Variants in CNTNAP2 observed in about 807,000 individuals in gnomAD.
CNTNAP2 encodes contactin associated protein 2, also known as contactin-associated protein-like 2.
In CNTNAP2, 98 loss-of-function variants were observed where a neutral mutation model predicts 155.2. That is an observed-to-expected ratio of 0.63 (90% CI 0.54 to 0.75). CNTNAP2 has a LOEUF of 0.75. Ranked by LOEUF, CNTNAP2 falls within the 30% of genes least tolerant of loss-of-function variation. The pLI is 0.00. For missense variants in CNTNAP2, 1,727 were observed against 1,688.1 expected (o/e 1.02, Z -0.40); for synonymous variants, 651 against 631.2 (o/e 1.03, Z -0.47).
chr7:148,045,723 C>A (rs1438283461), intron 15 of CNTNAP2, among the ~76,000 whole-genome samples: 1 of 152,190 alleles, frequency 6.6e-6, no homozygotes, highest in African/African-American at 2.4e-5. Flanking sequence ...ATAATAGACA[C>A]TACAGGGACT....
At position 147,736,599 on chromosome 7, in the gene CNTNAP2, T is replaced by C. The variant is rs1023039006; in HGVS notation, c.2098+97293T>C. ...GCTAGATTGGGGAAGTTCTCCTGAA[T>C]AATATTCTGCAGAGTGTTTTCCAAC... On this transcript the variant is annotated intron_variant, in intron 13 of 23. Transcript: ENST00000361727. Among the ~76,000 whole-genome samples, 6 of 152,226 alleles carry C rather than the reference T, an allele frequency of 3.9e-5. No homozygotes were observed. The East Asian group carries it at 7.7e-4, about 20-fold the overall frequency.
chr7:146,434,870 T>C (rs75234117), intron 1 of CNTNAP2, among the ~76,000 whole-genome samples: 3,415 of 152,242 alleles, frequency 0.022, 76 homozygotes, highest in African/African-American at 0.058. Context: ...CAATAGGATT[T>C]ATTGAATCCC....
chr7:146,598,071 C>A (rs576147497), intron 1 of CNTNAP2, among the ~76,000 whole-genome samples: 38 of 152,206 alleles, frequency 2.5e-4, no homozygotes, highest in Middle Eastern at 3.4e-3. Flanking sequence ...CCAGTCCCTG[C>A]CTACTCTGTT....
chr7:148,148,706 G>A (rs916847334), intron 17 of CNTNAP2, among the ~76,000 whole-genome samples: 1 of 152,216 alleles, frequency 6.6e-6, no homozygotes, highest in African/African-American at 2.4e-5. Context: ...GTTGTGTTGG[G>A]AAGCTTGAAG....
chr7:146,300,244 A>G (rs1800583382), intron 1 of CNTNAP2, among the ~76,000 whole-genome samples: 1 of 152,222 alleles, frequency 6.6e-6, no homozygotes, highest in African/African-American at 2.4e-5. Flanking sequence ...AACAATAGTG[A>G]AAAAGAAGCA....
rs542866477 is a variant in CNTNAP2, at chr7:148,229,964, T to C, written c.3381+185T>C. ...TAATTCTGACAAGGAAAGACAATGA[T>C]GAAGTTGAAGACATCTTTTAGGGGG... On this transcript the variant is annotated intron_variant, in intron 20 of 23. Transcript: ENST00000361727. 3.3e-5 allele frequency among the ~76,000 whole-genome samples: 5 copies of C among 152,350 alleles called. No individual in the cohort carries two copies. In the South Asian group the frequency reaches 1.0e-3, roughly 32 times the overall value.
At chr7:146,162,434 A>T (rs986763373) in intron 1 of CNTNAP2, among the ~76,000 whole-genome samples, 1 of 152,220 alleles carries the variant, frequency 6.6e-6, no homozygotes, top group African/African-American at 2.4e-5. Context: ...CATGAGAGAA[A>T]TGCAAATCAA....
intron 9 of CNTNAP2, among the ~76,000 whole-genome samples, chr7:147,352,913 C>G (rs145916304): frequency 3.9e-4 from 59 of 151,770 alleles, no homozygotes; most frequent in African/African-American, 1.4e-3. Flanking sequence ...GAATCTGATA[C>G]TTAAACTTTA....
chr7:147,065,846 A>G (rs1194892861), intron 4 of CNTNAP2, among the ~76,000 whole-genome samples: 1 of 152,130 alleles, frequency 6.6e-6, no homozygotes, highest in Non-Finnish European at 1.5e-5. Context: ...TTAGAAATAT[A>G]TTTCTGATTT....
chr7:146,389,703 C>CTTTTTTTTTTTTTTT (rs750823074), intron 1 of CNTNAP2, among the ~76,000 whole-genome samples: 1 of 129,016 alleles, frequency 7.8e-6, no homozygotes. Flanking sequence ...TTTCTTTTTT[C>CTTTTTTTTTTTTTTT]TTTTTTTTTT....
At chr7:146,893,660 A>G (rs535192345) in intron 3 of CNTNAP2, among the ~76,000 whole-genome samples, 10 of 152,232 alleles carry the variant, frequency 6.6e-5, no homozygotes, top group African/African-American at 2.2e-4. Flanking sequence ...TGATAGCTGA[A>G]TATTTGAAGA....
At chr7:147,019,999 TG>T (rs1798791429) in intron 3 of CNTNAP2, among the ~76,000 whole-genome samples, 2 of 60,428 alleles carry the variant, frequency 3.3e-5, no homozygotes, top group Non-Finnish European at 7.5e-5. Flanking sequence ...AGATATAGTA[TG>T]GTATGGTATG....
chr7:146,605,083 A>C (rs13239717), intron 1 of CNTNAP2, among the ~76,000 whole-genome samples: 2 of 129,370 alleles, frequency 1.5e-5, no homozygotes, highest in African/African-American at 3.3e-5. Flanking sequence ...ATAAAAAAAA[A>C]CAACAAAAAA....
At chr7:146,378,719 G>T (rs1350731609) in intron 1 of CNTNAP2, among the ~76,000 whole-genome samples, 1 of 152,114 alleles carries the variant, frequency 6.6e-6, no homozygotes, top group Non-Finnish European at 1.5e-5. Flanking sequence ...AAACAAAATT[G>T]TGTGTATTTT....
At chr7:147,018,493 G>A (rs1253459694) in intron 3 of CNTNAP2, among the ~76,000 whole-genome samples, 1 of 152,026 alleles carries the variant, frequency 6.6e-6, no homozygotes, top group East Asian at 1.9e-4. Context: ...TTTGGATGGG[G>A]AAAGGGATAA....
At chr7:147,756,084 C>T (rs891161616) in intron 13 of CNTNAP2, among the ~76,000 whole-genome samples, 2 of 152,180 alleles carry the variant, frequency 1.3e-5, no homozygotes, top group Non-Finnish European at 2.9e-5. Flanking sequence ...ACAATATTAG[C>T]TTCATAACAA....
chr7:147,044,319 AG>A (rs1441028668), intron 4 of CNTNAP2, among the ~76,000 whole-genome samples: 2 of 152,076 alleles, frequency 1.3e-5, no homozygotes, highest in African/African-American at 4.8e-5. Context: ...AGATTTGGAA[AG>A]GTTTTTTTTG....
intron 1 of CNTNAP2, among the ~76,000 whole-genome samples, chr7:146,235,445 T>C (rs1416894724): frequency 6.6e-6 from 1 of 152,092 alleles, no homozygotes; most frequent in Non-Finnish European, 1.5e-5. Context: ...AAGTTCTTTA[T>C]TTGGCAGGGA....
At chr7:146,303,392 GT>G (rs11394452) in intron 1 of CNTNAP2, among the ~76,000 whole-genome samples, 9 of 150,222 alleles carry the variant, frequency 6.0e-5, no homozygotes, top group East Asian at 3.9e-4. Flanking sequence ...CAAAACAGAA[GT>G]TTTTTTTTTA....
Sources: allele counts gnomAD v4.1 joint callset (sites outside exome capture counted in the v4.1 genomes callset), GRCh38; gene constraint gnomAD v4.1.1; transcripts MANE v1.5; gene names NCBI Gene and HGNC (gene_info 2026-07-23, HGNC 2026-07-21).